EPB41L4A: variants seen among roughly 807,000 people sequenced by gnomAD.
EPB41L4A encodes band 4.1-like protein 4A.
A neutral mutation model predicts 108.6 loss-of-function variants in EPB41L4A; 100 were observed. The observed-to-expected ratio is 0.92, with a 90% confidence interval of 0.78 to 1.09. The LOEUF (loss-of-function observed/expected upper bound fraction) is 1.09, where lower values mean the gene tolerates loss of function less well. Among genes scored for constraint, EPB41L4A ranks in the 50% least tolerant of loss-of-function variants. The pLI is 0.00. For missense variants in EPB41L4A, 1,030 were observed against 842.7 expected (o/e 1.22, Z -2.75); for synonymous variants, 319 against 289.0 (o/e 1.10, Z -1.05).
chr5:112,351,404 C>T (rs1344494458), intron 1 of EPB41L4A, among the ~76,000 whole-genome samples: 1 of 152,094 alleles, frequency 6.6e-6, no homozygotes, highest in African/African-American at 2.4e-5. Context: ...TACAACCCCC[C>T]AAGACTGACG....
chr5:112,348,663 T>C (rs185817196), intron 1 of EPB41L4A, among the ~76,000 whole-genome samples: 1 of 152,286 alleles, frequency 6.6e-6, no homozygotes, highest in East Asian at 1.9e-4. Context: ...AATGAAGTAT[T>C]CAGGTGTTTT....
chr5:112,215,734 G>A (rs1304125332), intron 12 of EPB41L4A, among the ~76,000 whole-genome samples: 2 of 130,480 alleles, frequency 1.5e-5, no homozygotes, highest in Non-Finnish European at 3.1e-5. Flanking sequence ...CTGCATTCCA[G>A]CCTGGGCGAC....
chr5:112,262,345 G>A (rs1327463039), intron 7 of EPB41L4A, 149 bp downstream of exon 7: 4 of 642,264 alleles, frequency 6.2e-6, no homozygotes, highest in Admixed American at 2.8e-5. Context: ...TAATCCACAC[G>A]AGAGCTGCTT....
At chr5:112,173,157 T>C (rs772867194) in intron 18 of EPB41L4A, among the ~76,000 whole-genome samples, 3 of 152,188 alleles carry the variant, frequency 2.0e-5, no homozygotes, top group Admixed American at 1.3e-4. Context: ...AGTACTAGAA[T>C]AGTGCTGGAG....
chr5:112,281,153 TTAGAATAG>T (rs2150508243), intron 2 of EPB41L4A, among the ~76,000 whole-genome samples: 1 of 152,264 alleles, frequency 6.6e-6, no homozygotes, highest in African/African-American at 2.4e-5. Flanking sequence ...GGTAAAGTCT[TTAGAATAG>T]CCCCTAGCTC....
At chr5:112,220,050 C>T (rs539484782) in intron 12 of EPB41L4A, among the ~76,000 whole-genome samples, 1 of 152,304 alleles carries the variant, frequency 6.6e-6, no homozygotes, top group South Asian at 2.1e-4. Context: ...CTAATGATTA[C>T]ATGTATCAAA....
intron 1 of EPB41L4A, among the ~76,000 whole-genome samples, chr5:112,409,414 G>A (rs1762285120): frequency 6.6e-6 from 1 of 151,788 alleles, no homozygotes; most frequent in South Asian, 2.1e-4. Flanking sequence ...TTGTGGTGAT[G>A]GCTGCACAAT....
At chr5:112,375,206 G>C (rs1448077798) in intron 1 of EPB41L4A, among the ~76,000 whole-genome samples, 1 of 152,066 alleles carries the variant, frequency 6.6e-6, no homozygotes, top group Admixed American at 6.6e-5. Flanking sequence ...TGAGCCCAGA[G>C]TGGTGCAGGA....
At chr5:112,268,591 T>C (rs976973104) in intron 4 of EPB41L4A, among the ~76,000 whole-genome samples, 2 of 152,052 alleles carry the variant, frequency 1.3e-5, no homozygotes, top group African/African-American at 4.8e-5. Flanking sequence ...GGTTCACACC[T>C]GTAACCCCAG....
chr5:112,223,268 C>T (rs1748201231), intron 12 of EPB41L4A, among the ~76,000 whole-genome samples: 2 of 151,994 alleles, frequency 1.3e-5, no homozygotes, highest in African/African-American at 2.4e-5. Flanking sequence ...CTTTACCTCA[C>T]CTATCTCTCC....
chr5:112,153,854 T>G (rs1055107484), intron 12 of EPB41L4A, among the ~76,000 whole-genome samples: 1 of 151,036 alleles, frequency 6.6e-6, no homozygotes, highest in Non-Finnish European at 1.5e-5. Context: ...AATCTTATAG[T>G]TTTATTACTT....
At chr5:112,272,723 G>C (rs1056876331) in intron 4 of EPB41L4A, among the ~76,000 whole-genome samples, 5 of 141,298 alleles carry the variant, frequency 3.5e-5, no homozygotes, top group African/African-American at 1.1e-4. Flanking sequence ...AAAGGTTGCA[G>C]TGAGCTGAGA....
intron 12 of EPB41L4A, chr5:112,228,616 T>C (rs1272335772): frequency 1.2e-6 from 1 of 804,866 alleles, no homozygotes; most frequent in Admixed American, 6.2e-5. Context: ...CCCATTACTT[T>C]TCTTATAGCT....
intron 18 of EPB41L4A, among the ~76,000 whole-genome samples, chr5:112,171,397 T>G (rs536073944): frequency 6.6e-6 from 1 of 152,322 alleles, no homozygotes; most frequent in East Asian, 1.9e-4. Flanking sequence ...TGTGATTACC[T>G]AGGAGAAGCA....
At chr5:112,384,793 A>AAAGG (rs35545935) in intron 1 of EPB41L4A, among the ~76,000 whole-genome samples, 21,062 of 151,616 alleles carry the variant, frequency 0.14, 4,123 homozygotes, top group African/African-American at 0.44. Flanking sequence ...GAGAAGAAAA[A>AAAGG]AAGGAAGGAA....
chr5:112,362,708 G>A (rs535059770), intron 1 of EPB41L4A, among the ~76,000 whole-genome samples: 24 of 152,198 alleles, frequency 1.6e-4, no homozygotes, highest in Non-Finnish European at 3.1e-4. Context: ...AAAGTCTTCT[G>A]TGCCAAACTG....
intron 1 of EPB41L4A, among the ~76,000 whole-genome samples, chr5:112,322,723 C>T (rs1755880615): frequency 6.6e-6 from 1 of 151,696 alleles, no homozygotes; most frequent in South Asian, 2.1e-4. Context: ...CACACACACA[C>T]ACACTCACAC....
intron 9 of EPB41L4A, among the ~76,000 whole-genome samples, chr5:112,246,781 A>G (rs1011636844): frequency 6.6e-6 from 1 of 152,102 alleles, no homozygotes; most frequent in Non-Finnish European, 1.5e-5. Context: ...GTGTCATCCT[A>G]TGTAAAAAAA....
At chr5:112,147,216 A>G (rs1347145294) in intron 12 of EPB41L4A, among the ~76,000 whole-genome samples, 1 of 152,242 alleles carries the variant, frequency 6.6e-6, no homozygotes, top group Non-Finnish European at 1.5e-5. Context: ...TTGACAAGTC[A>G]GCACTTCAAG....
Sources: allele counts gnomAD v4.1 joint callset (sites outside exome capture counted in the v4.1 genomes callset), GRCh38; gene constraint gnomAD v4.1.1; transcripts MANE v1.5; gene names NCBI Gene and HGNC (gene_info 2026-07-23, HGNC 2026-07-21).